The following CD44 variants were observed in gnomAD, a reference collection of about 807,000 sequenced individuals.
CD44 encodes the protein CD44 antigen.
Under a neutral mutation model 88.8 loss-of-function variants are expected in CD44, and 49 were observed. That is an observed-to-expected ratio of 0.55 (90% CI 0.44 to 0.70). The LOEUF is 0.70. CD44 is among the 30% of genes least tolerant of loss of function. The probability of loss-of-function intolerance (pLI) is 0.00; values close to 1 mark genes in which losing one functional copy is unlikely to be tolerated. For synonymous variants in CD44, 325 were observed against 312.3 expected (o/e 1.04, Z -0.43); for missense variants, 883 against 913.8 (o/e 0.97, Z 0.43).
At chr11:35,145,662 G>T (rs1210306960) in intron 1 of CD44, among the ~76,000 whole-genome samples, 1 of 152,190 alleles carries the variant, frequency 6.6e-6, no homozygotes, top group Non-Finnish European at 1.5e-5. Context: ...TGGGGTTCTA[G>T]TTATTTTGGA....
chr11:35,214,294 AT>A (rs951453898), intron 14 of CD44, among the ~76,000 whole-genome samples: 1 of 151,734 alleles, frequency 6.6e-6, no homozygotes, highest in Non-Finnish European at 1.5e-5. Context: ...CTTATTTTCA[AT>A]TTTTTTTGAA....
chr11:35,146,783 T>C (rs951011509), intron 1 of CD44, among the ~76,000 whole-genome samples: 3 of 152,226 alleles, frequency 2.0e-5, no homozygotes, highest in African/African-American at 7.2e-5. Flanking sequence ...CAGACGATTG[T>C]ACCTGGAAGT....
chr11:35,212,103 C>T (rs543663268), intron 14 of CD44, among the ~76,000 whole-genome samples: 86 of 152,102 alleles, frequency 5.7e-4, no homozygotes, highest in African/African-American at 2.0e-3. Flanking sequence ...TTGACACGGA[C>T]CTAGAATAAG....
intron 4 of CD44, among the ~76,000 whole-genome samples, chr11:35,187,156 C>T (rs1000607071): frequency 5.3e-5 from 8 of 152,008 alleles, no homozygotes; most frequent in African/African-American, 1.9e-4. Context: ...TGCCTGTAAT[C>T]CCAGCTGCTC....
chr11:35,215,072 A>C (rs989253424), intron 15 of CD44, 158 bp downstream of exon 15: 2 of 425,372 alleles, frequency 4.7e-6, no homozygotes, highest in Non-Finnish European at 8.3e-6. Flanking sequence ...ACAATGCTGG[A>C]CCCCACCCTT....
intron 5 of CD44, among the ~76,000 whole-genome samples, chr11:35,192,790 C>CTTT (rs35505196): frequency 0.02 from 2,214 of 109,426 alleles, 28 homozygotes; most frequent in Non-Finnish European, 0.026. Context: ...GGAATTCTTT[C>CTTT]TTTTTTTTTT....
At chr11:35,176,553 A>G in intron 1 of CD44, 22 bp from the exon 2 acceptor site, 2 of 1,597,490 alleles carry the variant, frequency 1.3e-6, no homozygotes, top group South Asian at 2.2e-5. Flanking sequence ...AAAGAATCTA[A>G]CATTTCTATT....
chr11:35,176,816 T>G, intron 2 of CD44, 76 bp downstream of exon 2: 1 of 1,403,986 alleles, frequency 7.1e-7, no homozygotes, highest in Non-Finnish European at 9.8e-7. Context: ...ACTGGAAGGC[T>G]CCTTTCCCAC....
chr11:35,144,372 T>C (rs1241647181), intron 1 of CD44, among the ~76,000 whole-genome samples: 1 of 152,206 alleles, frequency 6.6e-6, no homozygotes, highest in Non-Finnish European at 1.5e-5. Context: ...AAAGGGGATC[T>C]TTTTCTGCCT....
chr11:35,186,358 GT>G (rs1004245092), intron 3 of CD44, among the ~76,000 whole-genome samples: 1 of 152,156 alleles, frequency 6.6e-6, no homozygotes, highest in African/African-American at 2.4e-5. Context: ...TGTCTGCCAT[GT>G]TTTCTCATCA....
At chr11:35,179,182 G>T (rs191203071) in intron 2 of CD44, among the ~76,000 whole-genome samples, 21 of 152,294 alleles carry the variant, frequency 1.4e-4, no homozygotes, top group Admixed American at 1.3e-3. Context: ...ATTTCCATGG[G>T]TCGTGCAGGG....
chr11:35,187,572 G>A (rs745759094), intron 4 of CD44, among the ~76,000 whole-genome samples: 1 of 152,060 alleles, frequency 6.6e-6, no homozygotes, highest in African/African-American at 2.4e-5. Flanking sequence ...ACATCACATC[G>A]TAAATAGAAG....
At chr11:35,151,249 A>T (rs1461356992) in intron 1 of CD44, among the ~76,000 whole-genome samples, 2 of 152,138 alleles carry the variant, frequency 1.3e-5, no homozygotes, top group East Asian at 3.9e-4. Flanking sequence ...CATGAAAAGA[A>T]CAGTGAGAGA....
chr11:35,189,407 G>T (rs894851753), intron 4 of CD44, among the ~76,000 whole-genome samples: 5 of 152,234 alleles, frequency 3.3e-5, no homozygotes, highest in Non-Finnish European at 7.3e-5. Context: ...GGAATTAATA[G>T]CAACACATTT....
At chr11:35,157,719 A>G (rs988593689) in intron 1 of CD44, among the ~76,000 whole-genome samples, 1 of 152,168 alleles carries the variant, frequency 6.6e-6, no homozygotes, top group Non-Finnish European at 1.5e-5. Context: ...CATCTCTTCC[A>G]CAGTTTCCTG....
chr11:35,157,437 CTA>C (rs1942049069), intron 1 of CD44, among the ~76,000 whole-genome samples: 1 of 152,046 alleles, frequency 6.6e-6, no homozygotes, highest in Non-Finnish European at 1.5e-5. Flanking sequence ...TTAATTATCT[CTA>C]TCTTTATCTA....
At chr11:35,185,459 A>G (rs940505018) in intron 3 of CD44, among the ~76,000 whole-genome samples, 2 of 152,210 alleles carry the variant, frequency 1.3e-5, no homozygotes, top group African/African-American at 4.8e-5. Flanking sequence ...GTTTTGTTCA[A>G]CTTGTGTTTC....
intron 2 of CD44, among the ~76,000 whole-genome samples, chr11:35,178,430 A>G (rs1004746498): frequency 6.6e-6 from 1 of 152,208 alleles, no homozygotes; most frequent in Non-Finnish European, 1.5e-5. Flanking sequence ...AGGCTTAGCG[A>G]ATTTGCACAC....
intron 1 of CD44, among the ~76,000 whole-genome samples, chr11:35,165,288 C>A (rs752093248): frequency 9.9e-5 from 15 of 152,152 alleles, no homozygotes; most frequent in Non-Finnish European, 1.6e-4. Context: ...CTGTTGACAA[C>A]CCAAGTTGAA....
Sources: gnomAD v4.1 joint callset for allele counts (sites outside exome capture counted in the v4.1 genomes callset) on GRCh38, gnomAD v4.1.1 for gene constraint, MANE v1.5 for transcripts, NCBI Gene and HGNC (gene_info 2026-07-23, HGNC 2026-07-21) for gene names.